Variants in PHF24 observed in about 807,000 individuals in gnomAD.
PHF24 encodes Galpha inhibitory interacting protein.
A neutral mutation model predicts 42.6 loss-of-function variants in PHF24; 25 were observed. The observed-to-expected ratio is 0.59, with a 90% CI of 0.43 to 0.82. The LOEUF is 0.82. PHF24 is among the 40% of genes least tolerant of loss of function. The pLI, the probability that PHF24 is intolerant of heterozygous loss-of-function variation, is 0.00. For missense variants in PHF24, 470 were observed against 538.1 expected (o/e 0.87, Z 1.25); for synonymous variants, 185 against 204.8 (o/e 0.90, Z 0.83).
chr9:34,893,297 T>G, the PHF24 span: 1 of 410,040 alleles, frequency 2.4e-6, no homozygotes, highest in Non-Finnish European at 4.3e-6. Flanking sequence ...CTGTTTTTCT[T>G]CCTAAGAAAA....
At position 34,971,645 on chromosome 9, in the gene PHF24, CT is replaced by C; in HGVS notation, c.348del (p.Pro117GlnfsTer57). The C allele has an allele frequency of 1.9e-6, 3 of 1,612,934 alleles. No homozygotes were observed. The highest frequency in any genetic ancestry group is 2.5e-6 in the Non-Finnish European group (3 of 1,179,322). ...ACCCGGAAGCTGGATGATGACAAAC[CT>C]CCAGAAATCTGCCTGGAGCCCAGAG... On this transcript the variant is annotated frameshift_variant, in exon 2 of 8. Transcript: ENST00000242315. LOFTEE classifies it high-confidence loss of function.
At chr9:34,927,487 T>TG in the PHF24 span, among the ~76,000 whole-genome samples, 10 of 152,274 alleles carry the variant, frequency 6.6e-5, no homozygotes, top group South Asian at 1.9e-3. Flanking sequence ...TCTGGAGCAA[T>TG]GTAGCTGCTT....
At chr9:34,847,952 A>C in the PHF24 span, among the ~76,000 whole-genome samples, 3 of 152,208 alleles carry the variant, frequency 2.0e-5, no homozygotes, top group African/African-American at 7.2e-5. Flanking sequence ...GATGAAGCCC[A>C]CTTGATCATG....
the PHF24 span, among the ~76,000 whole-genome samples, chr9:34,703,644 GT>G: frequency 6.6e-6 from 1 of 151,316 alleles, no homozygotes; most frequent in East Asian, 1.9e-4. Flanking sequence ...CTCTTTAAGA[GT>G]TTTTTTGTAG....
chr9:34,677,348 C>T, the PHF24 span, among the ~76,000 whole-genome samples: 1 of 147,222 alleles, frequency 6.8e-6, no homozygotes, highest in Non-Finnish European at 1.5e-5. Context: ...ATTCTTTGTA[C>T]AATTCATTTT....
At chr9:34,829,882 C>T in the PHF24 span, among the ~76,000 whole-genome samples, 18 of 152,058 alleles carry the variant, frequency 1.2e-4, no homozygotes, top group African/African-American at 4.3e-4. Flanking sequence ...GATAACGTTC[C>T]CTGACTTTGG....
chr9:34,691,216 C>T, the PHF24 span: 3 of 1,358,036 alleles, frequency 2.2e-6, no homozygotes, highest in Non-Finnish European at 3.1e-6. Context: ...CTGTGTGAGG[C>T]TGCAGGGCGA....
the PHF24 span, among the ~76,000 whole-genome samples, chr9:34,703,533 A>G: frequency 2.0e-5 from 3 of 152,012 alleles, no homozygotes; most frequent in Non-Finnish European, 4.4e-5. Flanking sequence ...TGGTAATCAC[A>G]GCCCTCTAAA....
the PHF24 span, among the ~76,000 whole-genome samples, chr9:34,738,005 C>T: frequency 2.7e-5 from 4 of 147,748 alleles, no homozygotes; most frequent in African/African-American, 4.9e-5. Context: ...CCTGAGTAGC[C>T]ATACAGAAAG....
At chr9:34,691,038 A>T in the PHF24 span, 1 of 1,465,512 alleles carries the variant, frequency 6.8e-7, no homozygotes, top group Non-Finnish European at 9.4e-7. Context: ...TCTAGACATT[A>T]CCCACTGCCA....
chr9:34,954,169 C>T (rs1242848486), upstream of PHF24, among the ~76,000 whole-genome samples: 1 of 152,148 alleles, frequency 6.6e-6, no homozygotes, highest in Non-Finnish European at 1.5e-5. Context: ...CACACACACA[C>T]ACACAAAGGA....
the PHF24 span, among the ~76,000 whole-genome samples, chr9:34,683,143 C>T: frequency 6.6e-6 from 1 of 151,824 alleles, no homozygotes; most frequent in African/African-American, 2.4e-5. Flanking sequence ...TCACTGCAAC[C>T]TTTGCCTCCT....
chr9:34,833,724 C>G, the PHF24 span: 3 of 1,540,422 alleles, frequency 1.9e-6, no homozygotes, highest in Non-Finnish European at 1.8e-6. Flanking sequence ...TTTACTGGCA[C>G]TGCAGGCTGG....
At chr9:34,666,907 T>G in the PHF24 span, among the ~76,000 whole-genome samples, 2 of 152,196 alleles carry the variant, frequency 1.3e-5, no homozygotes, top group Non-Finnish European at 2.9e-5. Flanking sequence ...ATCGCACCAC[T>G]GCACTCCAGC....
the PHF24 span, among the ~76,000 whole-genome samples, chr9:34,920,839 A>G: frequency 6.6e-6 from 1 of 152,150 alleles, no homozygotes; most frequent in Non-Finnish European, 1.5e-5. Context: ...TGATTTTTGT[A>G]TGTTGATTTG....
the PHF24 span, chr9:34,833,243 C>T: frequency 6.5e-7 from 1 of 1,549,846 alleles, no homozygotes; most frequent in Non-Finnish European, 8.7e-7. Flanking sequence ...TTCCTCCAGG[C>T]TGGGGTTGTT....
At chr9:34,889,315 A>G in the PHF24 span, 1 of 398,750 alleles carries the variant, frequency 2.5e-6, no homozygotes. Flanking sequence ...GGAGTGGCAC[A>G]GGACCCAGGA....
chr9:34,926,358 G>A, the PHF24 span, among the ~76,000 whole-genome samples: 1 of 152,186 alleles, frequency 6.6e-6, no homozygotes, highest in Non-Finnish European at 1.5e-5. This position sits in a 1 kb window ranked among gnomAD's most constrained non-coding sequence, Gnocchi z 4.3. Context: ...AGCTGACCTG[G>A]AGGAATGCCC....
the PHF24 span, among the ~76,000 whole-genome samples, chr9:34,766,137 T>C: frequency 1.3e-5 from 2 of 152,210 alleles, no homozygotes; most frequent in East Asian, 1.9e-4. Context: ...CTTAATATTT[T>C]TTCCTTCATT....
Sources: gnomAD v4.1 joint callset for allele counts (sites outside exome capture counted in the v4.1 genomes callset) on GRCh38, gnomAD v4.1.1 for gene constraint, Gnocchi (gnomAD v3.1) non-coding constraint, MANE v1.5 for transcripts, NCBI Gene and HGNC (gene_info 2026-07-23, HGNC 2026-07-21) for gene names.